Variants in USP45 observed in about 807,000 individuals in gnomAD.
USP45 encodes ubiquitin carboxyl-terminal hydrolase 45.
Under a neutral mutation model 95.8 loss-of-function variants are expected in USP45, and 89 were observed. The ratio of observed to expected loss-of-function variants is 0.93; its 90% CI spans 0.78 to 1.11. The LOEUF (loss-of-function observed/expected upper bound fraction) is 1.11. USP45 is among the 50% of genes least tolerant of loss of function. The probability of loss-of-function intolerance (pLI) is 0.00; values close to 1 mark genes in which losing one functional copy is unlikely to be tolerated. For missense variants in USP45, 898 were observed against 942.5 expected, an observed-to-expected ratio of 0.95 and a Z score of 0.62; for synonymous variants, 281 against 316.2, an observed-to-expected ratio of 0.89 and a Z score of 1.18.
At chr6:99,496,784 G>C (rs1409312910) in intron 5 of USP45, among the ~76,000 whole-genome samples, 1 of 151,938 alleles carries the variant, frequency 6.6e-6, no homozygotes, top group Non-Finnish European at 1.5e-5. Flanking sequence ...TTTTCAAGCA[G>C]GTTTTAGGTT....
chr6:99,446,074 G>T lies in USP45; in HGVS notation c.1698C>A (p.Ser566Arg). ...AEAISELRLS[S>R]TVTGDQDFDR... ...CAAAATCTTGATCTCCAGTTACAGT[G>T]CTGCTCAAACGAAGTTCAGAAATAG... The change falls in exon 14 of 18, where the codon AGC (serine) becomes AGA (arginine). Residue 566 changes from serine to arginine, a missense_variant. Transcript: ENST00000500704. The T allele has an allele frequency of 6.2e-7, 1 of 1,613,956 alleles. No individual in the cohort carries two copies. Among genetic ancestry groups the T allele is most frequent in the Non-Finnish European group, 8.5e-7 (1 of 1,180,022 alleles).
chr6:99,437,452 T>A, intron 16 of USP45, 53 bp from the exon 17 acceptor site: 1 of 1,475,448 alleles, frequency 6.8e-7, no homozygotes, highest in Non-Finnish European at 9.1e-7. Context: ...AATACTGTTT[T>A]AAGGAAAAGT....
intron 1 of USP45, among the ~76,000 whole-genome samples, chr6:99,514,525 C>A (rs536532669): frequency 2.0e-5 from 3 of 152,314 alleles, no homozygotes; most frequent in African/African-American, 7.2e-5. Context: ...CCATTTTTCT[C>A]ATGCGGTTTT....
intron 8 of USP45, among the ~76,000 whole-genome samples, chr6:99,479,889 T>C (rs893942647): frequency 2.6e-5 from 4 of 152,180 alleles, no homozygotes; most frequent in East Asian, 1.9e-4. Context: ...TATTGCAATA[T>C]GTATTGGTTG....
At position 99,462,624 on chromosome 6, in the gene USP45, A is replaced by G. The variant is rs1157849700; in HGVS notation, c.1308+1980T>C. On this transcript the variant is annotated intron_variant, in intron 13 of 17. Transcript: ENST00000500704. ...TATGAAGCAAAATTAGCTTTTATTT[A>G]TAGAAAACATGTTGTCCTTTCTGAA... The G allele has an allele frequency of 1.0e-5, 10 of 985,432 alleles. No individual in the cohort carries two copies. In the South Asian group the frequency reaches 4.7e-4, roughly 46 times the overall value. 61.0% of individuals were successfully genotyped at this position (985,432 alleles called of 1,614,324 possible).
At chr6:99,513,604 C>T (rs1800424306) in intron 1 of USP45, among the ~76,000 whole-genome samples, 1 of 152,114 alleles carries the variant, frequency 6.6e-6, no homozygotes, top group Non-Finnish European at 1.5e-5. Context: ...ACAGATAATG[C>T]TAGCAAAATA....
At chr6:99,466,440 A>G (rs189540565) in intron 11 of USP45, among the ~76,000 whole-genome samples, 1 of 152,240 alleles carries the variant, frequency 6.6e-6, no homozygotes, top group East Asian at 1.9e-4. Flanking sequence ...AAACTGCCTC[A>G]TAGGTGTGTC....
intron 4 of USP45, among the ~76,000 whole-genome samples, chr6:99,505,672 A>C (rs1292924587): frequency 6.6e-6 from 1 of 151,380 alleles, no homozygotes; most frequent in Non-Finnish European, 1.5e-5. Context: ...ATAATGCATT[A>C]CACCAATGCT....
intron 4 of USP45, among the ~76,000 whole-genome samples, chr6:99,506,671 T>G (rs1243786727): frequency 6.6e-6 from 1 of 152,184 alleles, no homozygotes; most frequent in Non-Finnish European, 1.5e-5. Flanking sequence ...TATTACATAG[T>G]TTCCTTACAG....
In USP45 at chr6:99,461,907, G is replaced by A. The variant is rs144973185; in HGVS notation, c.1308+2697C>T. The A allele has an allele frequency of 6.0e-4, 595 of 985,180 alleles. 4 individuals carry two copies. In the African/African-American group the frequency reaches 9.7e-3, roughly 16 times the overall value. The allele number at this position is 985,180 out of a possible 1,614,324, so 61.0% of individuals were successfully genotyped here. A position where few individuals can be genotyped will look rare whatever the true frequency, so the allele number is the denominator to read the frequency against. On this transcript the variant is annotated intron_variant, in intron 13 of 17. Transcript: ENST00000500704. ...CTTTATAAAACTAGTACTGAAAGTA[G>A]TTAACTACTGAATCATTCTGGTTCC... is the stretch of plus-strand genomic sequence containing the variant.
intron 15 of USP45, among the ~76,000 whole-genome samples, chr6:99,440,864 C>G (rs1323475081): frequency 1.3e-5 from 2 of 152,248 alleles, no homozygotes; most frequent in South Asian, 2.1e-4. Flanking sequence ...CCAATACCAG[C>G]ACTGTCTGAG....
intron 8 of USP45, 112 bp from the exon 9 acceptor site, chr6:99,476,342 C>A: frequency 9.6e-7 from 1 of 1,037,288 alleles, no homozygotes; most frequent in Non-Finnish European, 1.4e-6. Flanking sequence ...GGTGCGGCAG[C>A]CTACGCCTGT....
chr6:99,480,593 G>A (rs1219859994), intron 8 of USP45, among the ~76,000 whole-genome samples: 2 of 152,022 alleles, frequency 1.3e-5, no homozygotes, highest in Non-Finnish European at 2.9e-5. Flanking sequence ...GAACCCAGGA[G>A]GTGGAGGCTG....
intron 13 of USP45, among the ~76,000 whole-genome samples, chr6:99,455,344 T>C (rs1028032845): frequency 2.7e-5 from 4 of 149,244 alleles, no homozygotes; most frequent in Non-Finnish European, 4.5e-5. Context: ...ACTTGGGAGA[T>C]GGAGGCTGAG....
chr6:99,451,242 T>C (rs535051389), intron 13 of USP45, among the ~76,000 whole-genome samples: 1 of 152,272 alleles, frequency 6.6e-6, no homozygotes, highest in South Asian at 2.1e-4. Context: ...GGAAGGCAAA[T>C]TGTCCCTGTT....
chr6:99,435,967 C>T (rs1780391111), intron 17 of USP45, 121 bp from the exon 18 acceptor site: 10 of 952,454 alleles, frequency 1.0e-5, no homozygotes, highest in Non-Finnish European at 1.5e-5. Context: ...CCTGAGAAGC[C>T]TGTTTTTTCT....
At chr6:99,449,139 A>G (rs1459025699) in intron 13 of USP45, among the ~76,000 whole-genome samples, 2 of 72,292 alleles carry the variant, frequency 2.8e-5, no homozygotes, top group African/African-American at 5.0e-5. Context: ...ACCAGCTAAC[A>G]TCATGACAGG....
intron 5 of USP45, among the ~76,000 whole-genome samples, chr6:99,495,129 T>C (rs115421202): frequency 1.9e-3 from 284 of 152,294 alleles, no homozygotes; most frequent in African/African-American, 6.4e-3. Context: ...ATGGGCACTA[T>C]TGTCAACTAT....
chr6:99,450,223 C>A (rs916835575), intron 13 of USP45, among the ~76,000 whole-genome samples: 1 of 152,050 alleles, frequency 6.6e-6, no homozygotes, highest in African/African-American at 2.4e-5. Context: ...AAAAACCCTT[C>A]AAAAAATCAA....
Sources: allele counts gnomAD v4.1 joint callset (sites outside exome capture counted in the v4.1 genomes callset), GRCh38; gene constraint gnomAD v4.1.1; transcripts MANE v1.5; gene names NCBI Gene and HGNC (gene_info 2026-07-23, HGNC 2026-07-21).